CLOCK: variants seen among roughly 807,000 people sequenced by gnomAD.
CLOCK encodes the protein clock circadian regulator.
A neutral mutation model predicts 118.4 loss-of-function variants in CLOCK; 43 were observed. The observed-to-expected ratio is 0.36, with a 90% confidence interval of 0.28 to 0.47. The LOEUF is 0.47. CLOCK is among the 20% of genes least tolerant of loss of function. The pLI is 1.00. For missense variants in CLOCK, 846 were observed against 999.9 expected, an observed-to-expected ratio of 0.85 and a Z score of 2.08; for synonymous variants, 326 against 339.2, an observed-to-expected ratio of 0.96 and a Z score of 0.43.
At chr4:55,464,381 T>C (rs1230076204) in intron 8 of CLOCK, among the ~76,000 whole-genome samples, 2 of 152,226 alleles carry the variant, frequency 1.3e-5, no homozygotes, top group Non-Finnish European at 2.9e-5. Flanking sequence ...GATTAATCAA[T>C]AGCAATTTGA....
At chr4:55,527,127 C>G (rs1026730284) in intron 1 of CLOCK, among the ~76,000 whole-genome samples, 1 of 151,922 alleles carries the variant, frequency 6.6e-6, no homozygotes, top group Non-Finnish European at 1.5e-5. Context: ...AAAATTGACC[C>G]AGTTACTTCA....
chr4:55,455,765 A>G lies in CLOCK; in HGVS notation c.982+132T>C, dbSNP rs563535003. On this transcript the variant is annotated intron_variant, in intron 13 of 22. Coordinates refer to ENST00000513440, the MANE Select transcript of CLOCK (RefSeq NM_004898.4). ...TCCTACTACATTGGTTATATACATAAAGCAAAATCTTTTAGCATATTTCAA... is the reference window on the plus strand; with the variant it reads ...TCCTACTACATTGGTTATATACATAGAGCAAAATCTTTTAGCATATTTCAA... 2.6e-4 allele frequency: 188 copies of G among 721,758 alleles called. No individual in the cohort carries two copies. In the African/African-American group the frequency reaches 2.8e-3, roughly 11 times the overall value. 44.7% of individuals were successfully genotyped at this position (721,758 alleles called of 1,614,324 possible).
chr4:55,510,800 T>G (rs1470372716), intron 1 of CLOCK, among the ~76,000 whole-genome samples: 1 of 152,044 alleles, frequency 6.6e-6, no homozygotes, highest in African/African-American at 2.4e-5. Context: ...ATGACATTTG[T>G]GTGGAAGTAA....
chr4:55,448,855 T>A lies in CLOCK; in HGVS notation c.1463A>T (p.Gln488Leu). 1 of 1,613,502 alleles carries A rather than the reference T, an allele frequency of 6.2e-7. No individual in the cohort carries two copies. Among genetic ancestry groups the A allele is most frequent in the Non-Finnish European group, 8.5e-7 (1 of 1,179,496 alleles). The change falls in exon 18 of 23, where the codon CAG (glutamine) becomes CTG (leucine). Residue 488 changes from glutamine (Q) to leucine (L), a missense_variant. Physicochemically the swap from Gln to Leu is moderately radical, Grantham distance 113. Coordinates refer to ENST00000513440, the MANE Select transcript of CLOCK (RefSeq NM_004898.4). Reference protein sequence around the residue: ...SSFSSQSINSQSVGSSLTQPV... With the variant: ...SSFSSQSINSLSVGSSLTQPV... ...CTGTGTTAATGATGAACCAACAGAC[T>A]GGGAATTTATGGACTAGAGCAAAAT...
intron 3 of CLOCK, among the ~76,000 whole-genome samples, chr4:55,488,881 C>T (rs934247035): frequency 2.6e-5 from 4 of 152,028 alleles, no homozygotes; most frequent in African/African-American, 4.8e-5. Context: ...CACAGGCATA[C>T]GTCATCATGC....
At chr4:55,489,954 C>G (rs1467896367) in intron 2 of CLOCK, among the ~76,000 whole-genome samples, 1 of 151,656 alleles carries the variant, frequency 6.6e-6, no homozygotes, top group East Asian at 1.9e-4. Flanking sequence ...AAGAAAGAAA[C>G]ACAGAGAAAA....
chr4:55,472,666 G>A (rs1726224640), intron 7 of CLOCK, among the ~76,000 whole-genome samples: 1 of 152,032 alleles, frequency 6.6e-6, no homozygotes, highest in Non-Finnish European at 1.5e-5. Context: ...ATAGAGCTGG[G>A]AGTTAGAGTA....
chr4:55,450,268 GT>G (rs1172252311), intron 15 of CLOCK, 36 bp from the exon 16 acceptor site: 1 of 1,612,732 alleles, frequency 6.2e-7, no homozygotes, highest in Admixed American at 1.7e-5. Flanking sequence ...TTTTCTTGTG[GT>G]TCAGTTCAGA....
intron 11 of CLOCK, among the ~76,000 whole-genome samples, chr4:55,457,191 A>G (rs984929272): frequency 1.1e-4 from 17 of 151,808 alleles, no homozygotes; most frequent in Middle Eastern, 3.4e-3. Context: ...CTCAAATTCA[A>G]TATGTCCTAA....
rs755044178 is a variant in CLOCK, at chr4:55,433,031, A to G, written c.*2384T>C. The G allele has an allele frequency of 6.6e-6, 1 of 152,594 alleles. No individual in the cohort carries two copies. The highest frequency in any genetic ancestry group is 1.5e-5 in the Non-Finnish European group (1 of 68,028). The allele number at this position is 152,594 out of a possible 1,614,324, so 9.5% of individuals were successfully genotyped here. On this transcript the variant is annotated 3_prime_UTR_variant, in exon 23 of 23. Coordinates refer to ENST00000513440, the MANE Select transcript of CLOCK (RefSeq NM_004898.4). ...ACAGGCCTCAATATAATAGTTCTTC[A>G]TATCTTTTGTTAGCTAAATCCGTAT...
chr4:55,500,509 G>A (rs551471543), intron 2 of CLOCK, among the ~76,000 whole-genome samples: 1 of 151,852 alleles, frequency 6.6e-6, no homozygotes, highest in East Asian at 1.9e-4. Flanking sequence ...ATGCCCTATT[G>A]ATTTTTAACT....
intron 2 of CLOCK, among the ~76,000 whole-genome samples, chr4:55,497,092 G>A (rs989426666): frequency 6.6e-6 from 1 of 152,166 alleles, no homozygotes; most frequent in Admixed American, 6.5e-5. Context: ...TTCTGTTGGT[G>A]AGAGCCCAAT....
intron 3 of CLOCK, 90 bp from the exon 4 acceptor site, chr4:55,482,918 G>A: frequency 1.7e-6 from 1 of 590,832 alleles, no homozygotes; most frequent in Non-Finnish European, 2.9e-6. Flanking sequence ...TGTTATCACA[G>A]AGACTTCAAA....
At chr4:55,480,931 G>T (rs963739450) in intron 4 of CLOCK, among the ~76,000 whole-genome samples, 1 of 151,700 alleles carries the variant, frequency 6.6e-6, no homozygotes, top group Non-Finnish European at 1.5e-5. Context: ...TTTTAAAGGG[G>T]TGATGTTTTA....
In CLOCK at chr4:55,459,210, G is replaced by A. The variant is rs1725136310; in HGVS notation, c.611C>T (p.Pro204Leu). 1 of 1,612,494 alleles carries A rather than the reference G, an allele frequency of 6.2e-7. No individual in the cohort carries two copies. Among genetic ancestry groups the A allele is most frequent in the Admixed American group, 1.7e-5 (1 of 59,964 alleles). Residue 204 changes from proline (P) to leucine (L), a missense_variant, in exon 10 of 23, where the codon CCA becomes CTA. This residue lies in a region of CLOCK where 246 missense variants were observed against 300.2 expected (regional missense o/e 0.82). Coordinates refer to ENST00000513440, the MANE Select transcript of CLOCK (RefSeq NM_004898.4). ...CCHMLRGTID[P>L]KEPSTYEYVK... ...ATATTCATAGGTAGATGGCTCCTTT[G>A]GGTCTATTGTTCCTCGCAGCATGTG...
chr4:55,440,124 A>G (rs1241816281), intron 21 of CLOCK, among the ~76,000 whole-genome samples: 1 of 152,206 alleles, frequency 6.6e-6, no homozygotes, highest in Admixed American at 6.5e-5. Context: ...ACTGGCACAC[A>G]GTTCATGAAT....
rs115376314 is a variant in CLOCK at position 55,448,332 on chromosome 4, C to G, written c.1539+447G>C. Among the ~76,000 whole-genome samples the G allele has an allele frequency of 6.5e-3, 994 of 152,230 alleles. 9 individuals are homozygous for G. Among genetic ancestry groups the G allele is most frequent in the African/African-American group, 0.023 (944 of 41,530 alleles). The stretch of plus-strand genomic sequence containing the variant: ...ATATTCATAGGAGGAACAAAATGAA[C>G]AGCTACATTTCATCCTTAATATCTT... On this transcript the variant is annotated intron_variant, in intron 18 of 22. Transcript: ENST00000513440.
In CLOCK at chr4:55,445,150, ATTGTTAATTTCTGAAATCAAAGTTGTGT is replaced by A. The variant is rs1487979903; in HGVS notation, c.1540-393_1540-366del. ...GTTTAACATATGATATGGTCTGGTT[ATTGTTAATTTCTGAAATCAAAGTTGTGT>A]GCCCTGAAATGTAATTTAGTATCCC... On this transcript the variant is annotated intron_variant, in intron 18 of 22. Transcript: ENST00000513440. Among the ~76,000 whole-genome samples, 28 of 68,450 alleles carry A rather than the reference ATTGTTAATTTCTGAAATCAAAGTTGTGT, an allele frequency of 4.1e-4. 8 individuals carry two copies. The highest frequency in any genetic ancestry group is 2.1e-3 in the East Asian group (2 of 952). 44.9% of individuals were successfully genotyped at this position (68,450 alleles called of 152,430 possible).
At chr4:55,488,581 T>C (rs1727465303) in intron 3 of CLOCK, among the ~76,000 whole-genome samples, 1 of 152,212 alleles carries the variant, frequency 6.6e-6, no homozygotes, top group Non-Finnish European at 1.5e-5. Flanking sequence ...AACATTTCAT[T>C]GTCTTTCTTG....
Sources: allele counts gnomAD v4.1 joint callset (sites outside exome capture counted in the v4.1 genomes callset), GRCh38; gene constraint gnomAD v4.1.1; regional missense constraint gnomAD v4.1.1; transcripts MANE v1.5; gene names NCBI Gene and HGNC (gene_info 2026-07-23, HGNC 2026-07-21).